The following B3GALT1 variants were observed in gnomAD, a reference collection of about 807,000 sequenced individuals.
The protein encoded by B3GALT1 is beta-1,3-galactosyltransferase 1, also known as UDP-Gal:betaGlcNAc beta 1,3-galactosyltransferase, polypeptide 1.
A neutral mutation model predicts 23.2 loss-of-function variants in B3GALT1; 10 were observed. The observed-to-expected ratio is 0.43, with a 90% CI of 0.27 to 0.73. B3GALT1 has a LOEUF of 0.73. Among genes scored for constraint, B3GALT1 ranks in the 30% least tolerant of loss-of-function variants. The pLI is 0.21. For missense variants in B3GALT1, 299 were observed against 405.4 expected (o/e 0.74, Z 2.25); for synonymous variants, 156 against 141.5 (o/e 1.10, Z -0.73).
At chr2:167,522,298 T>C (rs1700202399) in intron 2 of B3GALT1, among the ~76,000 whole-genome samples, 1 of 152,060 alleles carries the variant, frequency 6.6e-6, no homozygotes, top group Non-Finnish European at 1.5e-5. Context: ...CAAAATCTTC[T>C]CCAGATTTAG....
chr2:167,538,322 A>G (rs1683465787), intron 2 of B3GALT1, among the ~76,000 whole-genome samples: 1 of 152,216 alleles, frequency 6.6e-6, no homozygotes, highest in South Asian at 2.1e-4. Flanking sequence ...GCATACAAAT[A>G]CATATCTGTG....
At chr2:167,713,617 A>G (rs778803241) in intron 3 of B3GALT1, 3 of 1,076,928 alleles carry the variant, frequency 2.8e-6, no homozygotes, top group East Asian at 2.4e-5. Context: ...TGAAAATGAG[A>G]TCAGTCAAAG....
At chr2:167,638,677 A>G (rs1305495271) in intron 2 of B3GALT1, among the ~76,000 whole-genome samples, 1 of 152,096 alleles carries the variant, frequency 6.6e-6, no homozygotes, top group Non-Finnish European at 1.5e-5. Flanking sequence ...CACTGGATCT[A>G]TTAAGTTGTA....
intron 4 of B3GALT1, among the ~76,000 whole-genome samples, chr2:167,833,159 C>T (rs758962642): frequency 6.6e-6 from 1 of 152,216 alleles, no homozygotes; most frequent in Non-Finnish European, 1.5e-5. Context: ...ATGCAAATGA[C>T]TGTGGCAGTT....
chr2:167,313,175 G>C, intron 1 of B3GALT1, among the ~76,000 whole-genome samples: 1 of 152,052 alleles, frequency 6.6e-6, no homozygotes, highest in Non-Finnish European at 1.5e-5. Flanking sequence ...GGAAAAGCCA[G>C]AGTACCACCA....
At chr2:167,618,446 G>A (rs534991786) in intron 2 of B3GALT1, among the ~76,000 whole-genome samples, 1 of 151,872 alleles carries the variant, frequency 6.6e-6, no homozygotes, top group Non-Finnish European at 1.5e-5. Flanking sequence ...GATATGACCT[G>A]CCTTTATTCC....
intron 3 of B3GALT1, among the ~76,000 whole-genome samples, chr2:167,657,040 G>A (rs1456028105): frequency 4.6e-5 from 7 of 151,896 alleles, no homozygotes; most frequent in African/African-American, 1.7e-4. Context: ...AATGATAGGG[G>A]AAAAAAATGG....
chr2:167,813,951 A>T (rs1041196926), intron 3 of B3GALT1, among the ~76,000 whole-genome samples: 2 of 151,080 alleles, frequency 1.3e-5, no homozygotes, highest in African/African-American at 4.9e-5. Context: ...TTCTTGGCTA[A>T]TGTATCTAAA....
Position 167,376,097 on chromosome 2 carries a change from T to C in B3GALT1, c.-511+82763T>C, listed in dbSNP as rs1034563680. ...TGGGATGATCATATGTTTTTTCTTA[T>C]TAATTTTGTTTATGCAGTGAATTAC... On this transcript the variant is annotated intron_variant, in intron 1 of 4. Transcript: ENST00000392690. Among the ~76,000 whole-genome samples, 4 of 152,204 alleles carry C rather than the reference T, an allele frequency of 2.6e-5. No homozygotes were observed. In the East Asian group the frequency reaches 5.8e-4, roughly 22 times the overall value.
intron 2 of B3GALT1, among the ~76,000 whole-genome samples, chr2:167,567,792 C>T (rs78856335): frequency 2.0e-4 from 30 of 152,136 alleles, no homozygotes; most frequent in African/African-American, 6.7e-4. Context: ...GTTGTACATC[C>T]CATGGGTTTA....
chr2:167,456,757 G>A (rs548983627), intron 1 of B3GALT1, among the ~76,000 whole-genome samples: 17 of 152,246 alleles, frequency 1.1e-4, no homozygotes, highest in Admixed American at 9.8e-4. Flanking sequence ...ATTCATTAGG[G>A]ATATGGGTGG....
intron 1 of B3GALT1, among the ~76,000 whole-genome samples, chr2:167,385,508 T>C (rs1697913949): frequency 6.6e-6 from 1 of 151,634 alleles, no homozygotes; most frequent in African/African-American, 2.4e-5. Flanking sequence ...TTTGAATTTA[T>C]TGTATGTACA....
At chr2:167,717,719 G>A (rs1687174027) in intron 3 of B3GALT1, among the ~76,000 whole-genome samples, 1 of 151,948 alleles carries the variant, frequency 6.6e-6, no homozygotes. Flanking sequence ...TATAAATGTG[G>A]GATTATGAGA....
chr2:167,849,409 A>C (rs1689825199), intron 4 of B3GALT1, among the ~76,000 whole-genome samples: 2 of 152,206 alleles, frequency 1.3e-5, no homozygotes. Context: ...CAGAATAGAC[A>C]ACCCAGAAAT....
intron 4 of B3GALT1, among the ~76,000 whole-genome samples, chr2:167,838,965 C>G (rs1357171117): frequency 6.6e-6 from 1 of 152,172 alleles, no homozygotes; most frequent in Non-Finnish European, 1.5e-5. Context: ...ATGCCTTTGA[C>G]AAAATTCAAC....
intron 3 of B3GALT1, among the ~76,000 whole-genome samples, chr2:167,798,776 G>A (rs1688586081): frequency 6.6e-6 from 1 of 151,924 alleles, no homozygotes; most frequent in Non-Finnish European, 1.5e-5. Context: ...GCTCTTTTTT[G>A]GTTTGCAGGA....
At chr2:167,806,043 C>T (rs1175023793) in intron 3 of B3GALT1, among the ~76,000 whole-genome samples, 2 of 152,126 alleles carry the variant, frequency 1.3e-5, no homozygotes, top group Non-Finnish European at 2.9e-5. Context: ...AGGTCCTTCA[C>T]ATCCCTTGTA....
In B3GALT1 at chr2:167,869,666, T is replaced by C. The variant is rs35398738; in HGVS notation, c.627T>C (p.Asn209=). The change falls in exon 5 of 5, where the codon AAT becomes AAC. Residue 209 remains asparagine, a synonymous_variant. Transcript: ENST00000392690. This position sits in a 1 kb window ranked among gnomAD's most constrained non-coding sequence, Gnocchi z 6.4. ...RRRYFTGYVI[N]GGPIRDVRSK... ...GGTATTTTACTGGCTATGTCATTAA[T>C]GGAGGACCGATTCGGGATGTCCGCA... 1.8e-3 allele frequency: 2,928 copies of C among 1,614,178 alleles called. 56 individuals carry two copies. In the African/African-American group the frequency reaches 0.035, roughly 19 times the overall value.
intron 2 of B3GALT1, among the ~76,000 whole-genome samples, chr2:167,564,004 A>T (rs1574140736): frequency 7.8e-6 from 1 of 128,362 alleles, no homozygotes; most frequent in African/African-American, 3.1e-5. Flanking sequence ...CGGGGGGCCG[A>T]CCCTCCCACC....
Sources: allele counts gnomAD v4.1 joint callset (sites outside exome capture counted in the v4.1 genomes callset), GRCh38; gene constraint gnomAD v4.1.1; non-coding constraint Gnocchi (gnomAD v3.1); transcripts MANE v1.5; gene names NCBI Gene and HGNC (gene_info 2026-07-23, HGNC 2026-07-21).